The following ABCC6 variants were observed in gnomAD, a reference collection of about 807,000 sequenced individuals.
ABCC6 encodes ATP binding cassette subfamily C member 6, also known as ATP-binding cassette sub-family C member 6.
ABCC6 carries 126 observed loss-of-function variants against 169.5 expected under a neutral mutation model. That is an observed-to-expected ratio of 0.74 (90% CI 0.64 to 0.86). The LOEUF (loss-of-function observed/expected upper bound fraction) is 0.86, where lower values mean the gene tolerates loss of function less well. Among genes scored for constraint, ABCC6 ranks in the 40% least tolerant of loss-of-function variants. The pLI, the probability that ABCC6 is intolerant of heterozygous loss-of-function variation, is 0.00. For synonymous variants in ABCC6, 752 were observed against 814.7 expected (o/e 0.92, Z 1.31); for missense variants, 1,733 against 1,927.2 (o/e 0.90, Z 1.89).
chr16:16,173,699 T>TC (rs4013183), intron 20 of ABCC6, among the ~76,000 whole-genome samples: 23 of 145,850 alleles, frequency 1.6e-4, no homozygotes, highest in South Asian at 1.1e-3. Context: ...GAATTTTCTT[T>TC]TTTTTTTTTT....
Position 16,157,769 on chromosome 16 carries a change from CA to C in ABCC6, c.3775del (p.Trp1259GlyfsTer14), listed in dbSNP as rs72664233. ...GAACTCGATCTGCCCGCCCTGAGGC[CA>C]GGGGGGCTGAGCTGCACATGTGGGC... ...RLPTCAAQPP[W>X]PQGGQIEFRD... On this transcript the variant is annotated frameshift_variant, in exon 27 of 31. Coordinates refer to ENST00000205557, the MANE Select transcript of ABCC6 (RefSeq NM_001171.6). LOFTEE classifies it high-confidence loss of function. The C allele has an allele frequency of 1.5e-4, 240 of 1,613,486 alleles. No homozygotes were observed. The highest frequency in any genetic ancestry group is 2.0e-4 in the Non-Finnish European group (235 of 1,179,992).
chr16:16,163,179 A>G lies in ABCC6; in HGVS notation c.3320T>C (p.Val1107Ala), dbSNP rs780276741. The G allele has an allele frequency of 2.5e-5, 40 of 1,613,336 alleles. 1 individual carries two copies. The highest frequency in any genetic ancestry group is 1.8e-4 in the South Asian group (16 of 91,088). The change falls in exon 24 of 31, where the codon GTT (valine) becomes GCT (alanine). Residue 1107 changes from valine (V) to alanine (A), a missense_variant. Val to Ala is a moderately conservative substitution (Grantham distance 64). Coordinates refer to ENST00000205557, the MANE Select transcript of ABCC6 (RefSeq NM_001171.6). ...LYAGFQSLYV[V>A]SSCQLRRLES... ...CAAGCGTCTCAGCTGGCATGAGCTA[A>G]CCACATACAGGCTCTGAGAAGGATG...
Position 16,150,092 on chromosome 16 carries a change from G to T in ABCC6, c.*41C>A, listed in dbSNP as rs775246845. On this transcript the variant is annotated 3_prime_UTR_variant, in exon 31 of 31. Transcript: ENST00000205557. ...ACTTCCATCTCCAGCACTGCAGGCT[G>T]TGCGGGCTGGTCCAACTGGGGTACG... The T allele has an allele frequency of 6.2e-7, 1 of 1,610,034 alleles. No homozygotes were observed. Among genetic ancestry groups the T allele is most frequent in the African/African-American group, 1.3e-5 (1 of 74,832 alleles).
chr16:16,165,453 C>T (rs2046843630), intron 23 of ABCC6, among the ~76,000 whole-genome samples, 170 bp downstream of exon 23: 1 of 152,130 alleles, frequency 6.6e-6, no homozygotes, highest in Admixed American at 6.6e-5. Context: ...TAGAGACAGA[C>T]ACTAGTGGAG....
Position 16,165,847 on chromosome 16 carries a change from C to T in ABCC6, c.3082G>A (p.Val1028Met), listed in dbSNP as rs1179435082. 6.2e-7 allele frequency: 1 copy of T among 1,613,390 alleles called. No homozygotes were observed. The highest frequency in any genetic ancestry group is 8.5e-7 in the Non-Finnish European group (1 of 1,180,032). Residue 1028 changes from valine (V) to methionine (M), a missense_variant, in exon 23 of 31, where the codon GTG becomes ATG. Around this residue, in one of 5 missense-constraint regions of ABCC6, gnomAD observed 1,601 missense variants for 1,635.5 expected, o/e 0.98. Transcript: ENST00000205557. ...AAGAAGCTGATGGGAGATCGCACCACATCCCACAGGAGCCTCTGGAAGAGC... is the reference window on the plus strand; with the variant it reads ...AAGAAGCTGATGGGAGATCGCACCATATCCCACAGGAGCCTCTGGAAGAGC... ...RLLFQRLLWD[V>M]VRSPISFFER...
rs1012389416 is a variant in ABCC6 at position 16,150,754 on chromosome 16, G to A, written c.4227C>T (p.Leu1409=). The change falls in exon 30 of 31, where the codon CTC becomes CTT. Residue 1409 remains leucine, a synonymous_variant. Coordinates refer to ENST00000205557, the MANE Select transcript of ABCC6 (RefSeq NM_001171.6). ...GEDLSVGQKQ[L]LCLARALLRK... is the part of the protein sequence containing the mutation. ...GGAGAAGGGCACGTGCCAGACACAG[G>A]AGCTGTTTCTGGCCCACGCTGGGAA... 1 of 1,613,806 alleles carries A rather than the reference G, an allele frequency of 6.2e-7. No homozygotes were observed. Among genetic ancestry groups the A allele is most frequent in the Non-Finnish European group, 8.5e-7 (1 of 1,179,962 alleles).
chr16:16,183,563 G>A (rs919312631), intron 15 of ABCC6, among the ~76,000 whole-genome samples: 3 of 152,154 alleles, frequency 2.0e-5, no homozygotes, highest in Non-Finnish European at 2.9e-5. Flanking sequence ...GACATCTCCC[G>A]CCTCCTTCCG....
At chr16:16,152,557 ATTTACTC>A (rs1214311714) in intron 29 of ABCC6, among the ~76,000 whole-genome samples, 2 of 151,966 alleles carry the variant, frequency 1.3e-5, no homozygotes, top group South Asian at 2.1e-4. Flanking sequence ...TAAAATGAGT[ATTTACTC>A]TTTGCTCTAT....
At chr16:16,183,779 A>T (rs574377802) in intron 15 of ABCC6, among the ~76,000 whole-genome samples, 58 of 152,188 alleles carry the variant, frequency 3.8e-4, no homozygotes, top group African/African-American at 1.3e-3. Context: ...ACATCCCACA[A>T]TGCACACGAC....
At chr16:16,190,949 G>A (rs2047833008) in intron 11 of ABCC6, among the ~76,000 whole-genome samples, 1 of 140,088 alleles carries the variant, frequency 7.1e-6, no homozygotes, top group South Asian at 2.6e-4. Flanking sequence ...GGTGGCGGGG[G>A]CACCTAAAAC....
chr16:16,169,681 C>G lies in ABCC6; in HGVS notation c.2960G>C (p.Arg987Pro). The change falls in exon 22 of 31, where the codon CGT becomes CCT. Residue 987 changes from arginine (R) to proline (P), a missense_variant. Transcript: ENST00000205557. ...GCCGAGGAGCCCGAAGATCCCGCCACGCAGGGCTGCCTGCGTCTGCTGCCC... is the reference window on the plus strand; with the variant it reads ...GCCGAGGAGCCCGAAGATCCCGCCAGGCAGGGCTGCCTGCGTCTGCTGCCC... Reference protein sequence around the residue: ...VGGQQTQAALRGGIFGLLGCL... With the variant: ...VGGQQTQAALPGGIFGLLGCL... 1.2e-6 allele frequency: 2 copies of G among 1,611,320 alleles called. No individual in the cohort carries two copies. Among genetic ancestry groups the G allele is most frequent in the Non-Finnish European group, 1.7e-6 (2 of 1,179,702 alleles).
chr16:16,191,912 G>T (rs1008081336), intron 11 of ABCC6, among the ~76,000 whole-genome samples: 2 of 152,132 alleles, frequency 1.3e-5, no homozygotes, highest in African/African-American at 4.8e-5. Flanking sequence ...ACAATCAGTG[G>T]CCTGTGCTGT....
rs776034467 is a variant in ABCC6 at position 16,165,900 on chromosome 16, A to G, written c.3029T>C (p.Leu1010Pro). 1 of 1,613,072 alleles carries G rather than the reference A, an allele frequency of 6.2e-7. No homozygotes were observed. The highest frequency in any genetic ancestry group is 8.5e-7 in the Non-Finnish European group (1 of 1,180,006). ...CCTGGATGCCCGGGCCCCACCTAGGAGCACCGCAGCCATGGAGGCAAACAG... is the reference window on the plus strand; with the variant it reads ...CCTGGATGCCCGGGCCCCACCTAGGGGCACCGCAGCCATGGAGGCAAACAG... Reference protein sequence around the residue: ...IGLFASMAAVLLGGARASRLL... With the variant: ...IGLFASMAAVPLGGARASRLL... The change falls in exon 23 of 31, where the codon CTC becomes CCC. Residue 1010 changes from leucine to proline, a missense_variant. Around this residue, in one of 5 missense-constraint regions of ABCC6, gnomAD observed 1,601 missense variants for 1,635.5 expected, o/e 0.98. Coordinates refer to ENST00000205557, the MANE Select transcript of ABCC6 (RefSeq NM_001171.6).
Position 16,152,192 on chromosome 16 carries a change from C to CAAAAAAAAA in ABCC6, c.4209-1429_4209-1421dup, listed in dbSNP as rs61339757. On this transcript the variant is annotated intron_variant, in intron 29 of 30. Coordinates refer to ENST00000205557, the MANE Select transcript of ABCC6 (RefSeq NM_001171.6). ...TGGGCGACAGAGCAAGACTCTGTCT[C>CAAAAAAAAA]AAAAAAAAAAAAAAAAAAAAAAAGT... 3.1e-3 allele frequency among the ~76,000 whole-genome samples: 123 copies of CAAAAAAAAA among 40,300 alleles called. 12 individuals carry two copies. The highest frequency in any genetic ancestry group is 0.011 in the African/African-American group (90 of 8,362). The allele number at this position is 40,300 out of a possible 152,430, so 26.4% of individuals were successfully genotyped here.
At chr16:16,167,446 G>T (rs1474217651) in intron 22 of ABCC6, among the ~76,000 whole-genome samples, 1 of 152,200 alleles carries the variant, frequency 6.6e-6, no homozygotes, top group Non-Finnish European at 1.5e-5. Context: ...CAATTCTCTT[G>T]TTGCTTAAAC....
Position 16,170,938 on chromosome 16 carries a change from AAAAG to A in ABCC6, c.2788-1089_2788-1086del, listed in dbSNP as rs1305085072. On this transcript the variant is annotated intron_variant, in intron 21 of 30. Coordinates refer to ENST00000205557, the MANE Select transcript of ABCC6 (RefSeq NM_001171.6). ...CTGTCTCAAAAAAAAAAAAAAAAAA[AAAAG>A]AAAGAAAGAAAGAAAGAAAGAAAGA... Among the ~76,000 whole-genome samples, 496 of 116,186 alleles carry A rather than the reference AAAAG, an allele frequency of 4.3e-3. 15 individuals carry two copies. Among genetic ancestry groups the A allele is most frequent in the African/African-American group, 6.1e-3 (188 of 30,604 alleles). 76.2% of individuals were successfully genotyped at this position (116,186 alleles called of 152,430 possible).
At chr16:16,164,546 T>C (rs2046820138) in intron 23 of ABCC6, among the ~76,000 whole-genome samples, 2 of 152,060 alleles carry the variant, frequency 1.3e-5, no homozygotes, top group African/African-American at 2.4e-5. Context: ...TTCCCTGGGA[T>C]TAATATATGA....
chr16:16,206,608 C>T (rs1053635655), intron 7 of ABCC6, among the ~76,000 whole-genome samples: 12 of 152,040 alleles, frequency 7.9e-5, no homozygotes, highest in African/African-American at 1.9e-4. Context: ...TGGGTGCAGT[C>T]GGTTGTTTCA....
chr16:16,164,994 G>T (rs1402204177), intron 23 of ABCC6, among the ~76,000 whole-genome samples: 1 of 152,188 alleles, frequency 6.6e-6, no homozygotes, highest in Non-Finnish European at 1.5e-5. Context: ...GCAATTGAAA[G>T]AATCTAGCTT....
Sources: allele counts gnomAD v4.1 joint callset (sites outside exome capture counted in the v4.1 genomes callset), GRCh38; gene constraint gnomAD v4.1.1; regional missense constraint gnomAD v4.1.1; transcripts MANE v1.5; gene names NCBI Gene and HGNC (gene_info 2026-07-23, HGNC 2026-07-21).